BET1: variants seen among roughly 807,000 people sequenced by gnomAD.
BET1 encodes BET1 homolog.
BET1 carries 9 observed loss-of-function variants against 13.9 expected under a neutral mutation model. That is an observed-to-expected ratio of 0.65 (90% CI 0.39 to 1.13). The LOEUF (loss-of-function observed/expected upper bound fraction) is 1.13, where lower values mean the gene tolerates loss of function less well. Among genes scored for constraint, BET1 ranks in the 50% most tolerant of loss-of-function variants. BET1 has a pLI of 0.01. For missense variants in BET1, 127 were observed against 133.6 expected (o/e 0.95, Z 0.24); for synonymous variants, 39 against 47.3 (o/e 0.82, Z 0.72).
chr7:93,997,428 A>G (rs1448103869), intron 2 of BET1, among the ~76,000 whole-genome samples: 3 of 152,196 alleles, frequency 2.0e-5, no homozygotes, highest in Non-Finnish European at 4.4e-5. Flanking sequence ...ACTTTCTTCT[A>G]ACAAGTAATC....
At chr7:93,966,371 C>T (rs1337640052) in intron 6 of BET1, among the ~76,000 whole-genome samples, 1 of 151,928 alleles carries the variant, frequency 6.6e-6, no homozygotes, top group Admixed American at 6.6e-5. Flanking sequence ...TTGGTTCATA[C>T]ATGAAATACT....
chr7:93,976,692 T>G (rs1316874548), intron 4 of BET1, among the ~76,000 whole-genome samples: 1 of 152,104 alleles, frequency 6.6e-6, no homozygotes, highest in Non-Finnish European at 1.5e-5. Flanking sequence ...AAATTTTATT[T>G]CAATCGTTTT....
At chr7:93,982,054 C>CA (rs1795438618) in intron 4 of BET1, among the ~76,000 whole-genome samples, 1 of 152,088 alleles carries the variant, frequency 6.6e-6, no homozygotes, top group Non-Finnish European at 1.5e-5. Flanking sequence ...CACCTATTTG[C>CA]ACCTGCTTTA....
At chr7:93,992,564 T>G, downstream of BET1, 3 of 985,416 alleles carry the variant, frequency 3.0e-6, no homozygotes, top group Non-Finnish European at 3.6e-6. Flanking sequence ...AGTTAAAAAC[T>G]TCTTGAATGA....
At chr7:93,974,710 G>C (rs910099464) in intron 5 of BET1, among the ~76,000 whole-genome samples, 1 of 151,958 alleles carries the variant, frequency 6.6e-6, no homozygotes, top group Non-Finnish European at 1.5e-5. Flanking sequence ...GAAGGAATGA[G>C]GGAAATGGAA....
chr7:93,978,805 G>T (rs1405379068), intron 4 of BET1, among the ~76,000 whole-genome samples: 1 of 152,144 alleles, frequency 6.6e-6, no homozygotes, highest in Non-Finnish European at 1.5e-5. Context: ...TTTGAAGGGA[G>T]TCCACACATT....
intron 6 of BET1, chr7:93,968,274 T>C (rs1309897258): frequency 6.6e-6 from 1 of 151,840 alleles, no homozygotes; most frequent in Non-Finnish European, 1.5e-5. Context: ...AAAAGTAGAT[T>C]TTTTTTCTGA....
intron 5 of BET1, among the ~76,000 whole-genome samples, chr7:93,975,138 C>A (rs1795316555): frequency 6.6e-6 from 1 of 151,936 alleles, no homozygotes; most frequent in Non-Finnish European, 1.5e-5. Context: ...AAAGACATCA[C>A]AACTAAATGA....
chr7:93,989,599 C>T (rs997019145), downstream of BET1, among the ~76,000 whole-genome samples: 1 of 152,064 alleles, frequency 6.6e-6, no homozygotes, highest in Non-Finnish European at 1.5e-5. Context: ...CCTTAAGTGA[C>T]CGGTTGTGAA....
At chr7:93,986,470 T>A (rs1272250731) in intron 4 of BET1, among the ~76,000 whole-genome samples, 1 of 152,186 alleles carries the variant, frequency 6.6e-6, no homozygotes, top group Admixed American at 6.5e-5. Flanking sequence ...GACTGCATCA[T>A]CAATGGCAGC....
chr7:93,977,720 C>T (rs916669108), intron 4 of BET1, among the ~76,000 whole-genome samples: 4 of 152,126 alleles, frequency 2.6e-5, no homozygotes, highest in Admixed American at 6.6e-5. Context: ...TTTGACCACT[C>T]TCCTTTGTAA....
At position 94,004,303 on chromosome 7, in the gene BET1, A is replaced by G; in HGVS notation, c.-87T>C. 1.3e-6 allele frequency: 2 copies of G among 1,571,704 alleles called. No homozygotes were observed. Among genetic ancestry groups the G allele is most frequent in the South Asian group, 1.1e-5 (1 of 90,160 alleles). ...GGGCGACCCGGACCGCGTCTTCAGT[A>G]CCAGGGCCCAGCGAAACACCAACTT... is the stretch of plus-strand genomic sequence containing the variant. On this transcript the variant is annotated 5_prime_UTR_variant, in exon 1 of 4. Transcript: ENST00000222547.
intron 5 of BET1, among the ~76,000 whole-genome samples, chr7:93,972,981 C>T (rs1049686459): frequency 1.3e-5 from 2 of 151,742 alleles, no homozygotes; most frequent in African/African-American, 4.8e-5. Flanking sequence ...AAGCTGTAAA[C>T]TGGCTGAATT....
At chr7:93,996,372 G>T in intron 2 of BET1, 51 bp from the exon 3 acceptor site, 1 of 1,300,594 alleles carries the variant, frequency 7.7e-7, no homozygotes, top group Non-Finnish European at 1.1e-6. Context: ...GTATTCAAGT[G>T]TTATAAAGTA....
chr7:93,964,103 A>G (rs1795138038), exon 7 of BET1: 2 of 151,900 alleles, frequency 1.3e-5, no homozygotes, highest in Admixed American at 6.6e-5. Flanking sequence ...AAATAAATAA[A>G]TAATACAAAA....
intron 2 of BET1, 64 bp downstream of exon 2, chr7:93,999,106 G>C: frequency 7.8e-7 from 1 of 1,274,904 alleles, no homozygotes. Flanking sequence ...AGAATATATA[G>C]TTTATAATTA....
exon 7 of BET1, chr7:93,965,308 T>TA (rs1267685102): frequency 6.6e-6 from 1 of 152,018 alleles, no homozygotes; most frequent in Non-Finnish European, 1.5e-5. Context: ...CAAATCAGGA[T>TA]AAGAGTTAGT....
In BET1 at chr7:93,994,015, C is replaced by G. The variant is rs1448172290; in HGVS notation, c.*215G>C. On this transcript the variant is annotated 3_prime_UTR_variant, in exon 4 of 4. Transcript: ENST00000222547. ...TTAGTGGAGCCACACCCTCTCACTA[C>G]CCCTGAAAATAGGGGCTAAAATGAG... 6.6e-7 allele frequency: 1 copy of G among 1,504,380 alleles called. No homozygotes were observed. Among genetic ancestry groups the G allele is most frequent in the Non-Finnish European group, 8.8e-7 (1 of 1,133,436 alleles). 93.2% of individuals were successfully genotyped at this position (1,504,380 alleles called of 1,614,324 possible).
intron 6 of BET1, among the ~76,000 whole-genome samples, chr7:93,970,228 A>G (rs539856641): frequency 1.1e-4 from 16 of 151,802 alleles, no homozygotes; most frequent in Non-Finnish European, 2.4e-4. Context: ...AATAGAGGGG[A>G]GAAAAAGAAA....
Sources: gnomAD v4.1 joint callset for allele counts (sites outside exome capture counted in the v4.1 genomes callset) on GRCh38, gnomAD v4.1.1 for gene constraint, MANE v1.5 for transcripts, NCBI Gene and HGNC (gene_info 2026-07-23, HGNC 2026-07-21) for gene names.